The following GPR180 variants were observed in gnomAD, a reference collection of about 807,000 sequenced individuals.
GPR180 encodes the protein G protein-coupled receptor 180.
In GPR180, 53 loss-of-function variants were observed where a neutral mutation model predicts 52.6. The ratio of observed to expected loss-of-function variants is 1.01; its 90% CI spans 0.81 to 1.27. The LOEUF is 1.27. Ranked by LOEUF, GPR180 falls within the 50% of genes most tolerant of loss-of-function variation. The pLI is 0.00. For missense variants in GPR180, 533 were observed against 527.0 expected (o/e 1.01, Z -0.11); for synonymous variants, 200 against 193.1 (o/e 1.04, Z -0.30).
rs1283940802 is a variant in GPR180, at chr13:94,605,448, A to C, written c.203A>C (p.Glu68Ala). Residue 68 changes from glutamate to alanine, a missense_variant, in exon 2 of 9, where the codon GAA (glutamate) becomes GCA (alanine). Glu to Ala is a moderately radical substitution (Grantham distance 107). Coordinates refer to ENST00000376958, the MANE Select transcript of GPR180 (RefSeq NM_180989.6). ...AACATAGCAGTAGCTGTTGGAAAAG[A>C]AGCTAAACTCTACCTGTTCCAAGCC... ...INNIAVAVGK[E>A]AKLYLFQAQE... 6.2e-7 allele frequency: 1 copy of C among 1,613,988 alleles called. No homozygotes were observed. Among genetic ancestry groups the C allele is most frequent in the Non-Finnish European group, 8.5e-7 (1 of 1,179,958 alleles).
At chr13:94,611,906 A>T (rs913276850) in intron 2 of GPR180, among the ~76,000 whole-genome samples, 9 of 151,682 alleles carry the variant, frequency 5.9e-5, no homozygotes, top group Non-Finnish European at 1.0e-4. Context: ...AAAAAAAAGA[A>T]TTCAGAGTTT....
At position 94,605,265 on chromosome 13, in the gene GPR180, A is replaced by G. The variant is rs577088212; in HGVS notation, c.146-126A>G. 17 of 775,950 alleles carry G rather than the reference A, an allele frequency of 2.2e-5. No individual in the cohort carries two copies. In the South Asian group the frequency reaches 2.2e-4, roughly 10 times the overall value. 48.1% of individuals were successfully genotyped at this position (775,950 alleles called of 1,614,324 possible). ...TCATTATGATGTGATTTACCTAGTTAAGCGAGATTTAAGAAGAATTGTGCT... is the reference window on the plus strand; with the variant it reads ...TCATTATGATGTGATTTACCTAGTTGAGCGAGATTTAAGAAGAATTGTGCT... On this transcript the variant is annotated intron_variant, in intron 1 of 8. Transcript: ENST00000376958.
chr13:94,609,133 T>G (rs1168164811), intron 2 of GPR180, among the ~76,000 whole-genome samples: 1 of 152,198 alleles, frequency 6.6e-6, no homozygotes, highest in African/African-American at 2.4e-5. Context: ...TTTTTACATA[T>G]TATGCATATG....
chr13:94,603,314 G>A (rs753152560), intron 1 of GPR180, among the ~76,000 whole-genome samples: 2 of 152,156 alleles, frequency 1.3e-5, no homozygotes, highest in East Asian at 3.8e-4. Flanking sequence ...GGAAAATGTG[G>A]GATGTATAGA....
chr13:94,623,130 C>T lies in GPR180; in HGVS notation c.916C>T (p.Gln306Ter), dbSNP rs1889873641. The T allele has an allele frequency of 5.0e-6, 8 of 1,611,928 alleles. No homozygotes were observed. In the East Asian group the frequency reaches 1.1e-4, roughly 22 times the overall value. The change falls in exon 7 of 9, where the codon CAG (glutamine) becomes TAG (stop). Residue 306 changes from glutamine to a stop codon, truncating the protein, a stop_gained. Transcript: ENST00000376958. LOFTEE classifies it high-confidence loss of function. ...GCAGAGTGTTTTGCTACTTTGGGAA[C>T]AGTTTGAAGATATCAGTCATCATAG... ...MTQSVLLLWE[Q>*]FEDISHHSYH...
chr13:94,608,961 A>G (rs1566977070), intron 2 of GPR180, among the ~76,000 whole-genome samples: 1 of 152,172 alleles, frequency 6.6e-6, no homozygotes, highest in African/African-American at 2.4e-5. Context: ...ACTAAAAACT[A>G]TTTTGTAGAT....
chr13:94,605,653 T>C, intron 2 of GPR180, 104 bp downstream of exon 2: 1 of 910,324 alleles, frequency 1.1e-6, no homozygotes, highest in Non-Finnish European at 1.6e-6. Context: ...GACAGCATAA[T>C]CCCACTGTGA....
chr13:94,627,237 T>A lies in GPR180; in HGVS notation c.*66T>A. ...GAGTGCAATAAGGATCCAAATACAG[T>A]GACTTTTTTTTCATACATTTAGTAT... is the stretch of plus-strand genomic sequence containing the variant. On this transcript the variant is annotated 3_prime_UTR_variant, in exon 9 of 9. Transcript: ENST00000376958. 2 of 1,391,246 alleles carry A rather than the reference T, an allele frequency of 1.4e-6. No homozygotes were observed. Among genetic ancestry groups the A allele is most frequent in the South Asian group, 1.3e-5 (1 of 79,392 alleles). 86.2% of individuals were successfully genotyped at this position (1,391,246 alleles called of 1,614,324 possible).
intron 7 of GPR180, among the ~76,000 whole-genome samples, chr13:94,625,570 G>A (rs1490740375): frequency 6.6e-6 from 1 of 152,028 alleles, no homozygotes; most frequent in African/African-American, 2.4e-5. Context: ...GACTATTAAT[G>A]TTTTTTGTGT....
intron 7 of GPR180, 113 bp downstream of exon 7, chr13:94,623,413 C>CTATATTAAT: frequency 1.3e-6 from 1 of 770,472 alleles, no homozygotes. Context: ...GGGTTGGGCA[C>CTATATTAAT]AGTGGCTCAC....
intron 2 of GPR180, among the ~76,000 whole-genome samples, chr13:94,609,434 C>T (rs1057168998): frequency 6.6e-6 from 1 of 152,050 alleles, no homozygotes; most frequent in Non-Finnish European, 1.5e-5. Flanking sequence ...AACTAAAGGC[C>T]GGTATCACTT....
chr13:94,630,995 A>G lies in GPR180; in HGVS notation c.*3824A>G, dbSNP rs1383504813. On this transcript the variant is annotated 3_prime_UTR_variant, in exon 9 of 9. Coordinates refer to ENST00000376958, the MANE Select transcript of GPR180 (RefSeq NM_180989.6). ...AAGGGCCAGACAAGGCACAAGGCACAAGGCACTGTTGCAGCTTATCCACAT... is the reference window on the plus strand; with the variant it reads ...AAGGGCCAGACAAGGCACAAGGCACGAGGCACTGTTGCAGCTTATCCACAT... The G allele has an allele frequency of 1.3e-5, 2 of 152,372 alleles. No individual in the cohort carries two copies. The highest frequency in any genetic ancestry group is 4.1e-4 in the South Asian group (2 of 4,830). 9.4% of individuals were successfully genotyped at this position (152,372 alleles called of 1,614,324 possible). A position where few individuals can be genotyped will look rare whatever the true frequency, so the allele number is the denominator to read the frequency against.
Position 94,620,894 on chromosome 13 carries a change from G to A in GPR180, c.737-184G>A, listed in dbSNP as rs552265345. ...TTAATAAATATATTACAAAATTTAT[G>A]GCAATTTTTAAATCTTTAGAATTAT... is the stretch of plus-strand genomic sequence containing the variant. On this transcript the variant is annotated intron_variant, in intron 5 of 8. Transcript: ENST00000376958. Among the ~76,000 whole-genome samples the A allele has an allele frequency of 6.6e-5, 10 of 151,428 alleles. No homozygotes were observed. The South Asian group carries it at 1.9e-3, about 28-fold the overall frequency.
At position 94,618,443 on chromosome 13, in the gene GPR180, T is replaced by TTG. The variant is rs1003520390; in HGVS notation, c.506-707_506-706insTG. Reference sequence around the variant, plus strand: ...GGATTTTTTTTTTTTTTTTTTTTTTTGGCAAGAGCTGCAGACAGTTTATCT... The same window carrying TTG: ...GGATTTTTTTTTTTTTTTTTTTTTTTTGGGCAAGAGCTGCAGACAGTTTATCT... On this transcript the variant is annotated intron_variant, in intron 3 of 8. Transcript: ENST00000376958. Among the ~76,000 whole-genome samples the TTG allele has an allele frequency of 2.0e-3, 236 of 120,496 alleles. 7 individuals carry two copies. The Middle Eastern group carries it at 0.029, about 15-fold the overall frequency. 79.1% of individuals were successfully genotyped at this position (120,496 alleles called of 152,430 possible). A position where few individuals can be genotyped will look rare whatever the true frequency, so the allele number is the denominator to read the frequency against.
rs1217575119 is a variant in GPR180, at chr13:94,628,958, A to G, written c.*1787A>G. The stretch of plus-strand genomic sequence containing the variant: ...GTTACTTCACTCAAAGAACATAAGT[A>G]ACTGCAATTAACATATATGAAATTT... On this transcript the variant is annotated 3_prime_UTR_variant, in exon 9 of 9. Coordinates refer to ENST00000376958, the MANE Select transcript of GPR180 (RefSeq NM_180989.6). 6.6e-6 allele frequency: 1 copy of G among 152,156 alleles called. No individual in the cohort carries two copies. Among genetic ancestry groups the G allele is most frequent in the African/African-American group, 2.4e-5 (1 of 41,472 alleles). The allele number at this position is 152,156 out of a possible 1,614,324, so 9.4% of individuals were successfully genotyped here.
chr13:94,605,328 TG>T, intron 1 of GPR180, 62 bp from the exon 2 acceptor site: 1 of 1,499,876 alleles, frequency 6.7e-7, no homozygotes. Flanking sequence ...GGTGTTGAGT[TG>T]TCCTCATGTC....
chr13:94,620,927 G>A (rs996398059), intron 5 of GPR180, 151 bp from the exon 6 acceptor site: 68 of 598,094 alleles, frequency 1.1e-4, no homozygotes, highest in African/African-American at 5.5e-4. Flanking sequence ...TATTACCTGC[G>A]AATATCTCTT....
intron 2 of GPR180, among the ~76,000 whole-genome samples, chr13:94,607,014 T>A (rs1278839430): frequency 6.6e-6 from 1 of 152,176 alleles, no homozygotes; most frequent in African/African-American, 2.4e-5. Context: ...TCCTCTGGCG[T>A]CTAAACTGAA....
At position 94,601,868 on chromosome 13, in the gene GPR180, TG is replaced by T; in HGVS notation, c.-56del. On this transcript the variant is annotated 5_prime_UTR_variant, in exon 1 of 9. Coordinates refer to ENST00000376958, the MANE Select transcript of GPR180 (RefSeq NM_180989.6). ...ACCCCGCCTCCCCCAGCTGCCGACG[TG>T]GGGCGGGCAGCCGCCGGCGGCTGGG... 1 of 1,324,284 alleles carries T rather than the reference TG, an allele frequency of 7.6e-7. No homozygotes were observed. The highest frequency in any genetic ancestry group is 9.7e-7 in the Non-Finnish European group (1 of 1,034,988). 82.0% of individuals were successfully genotyped at this position (1,324,284 alleles called of 1,614,324 possible). A position where few individuals can be genotyped will look rare whatever the true frequency, so the allele number is the denominator to read the frequency against.
Sources: gnomAD v4.1 joint callset for allele counts (sites outside exome capture counted in the v4.1 genomes callset) on GRCh38, gnomAD v4.1.1 for gene constraint, MANE v1.5 for transcripts, NCBI Gene and HGNC (gene_info 2026-07-23, HGNC 2026-07-21) for gene names.